The following CTSD variants were observed in gnomAD, a reference collection of about 807,000 sequenced individuals.
CTSD encodes the protein ceroid-lipofuscinosis, neuronal 10.
A neutral mutation model predicts 43.6 loss-of-function variants in CTSD; 28 were observed. That is an observed-to-expected ratio of 0.64 (90% CI 0.48 to 0.88). The LOEUF (loss-of-function observed/expected upper bound fraction) is 0.88. Ranked by LOEUF, CTSD falls within the 40% of genes least tolerant of loss-of-function variation. The pLI, the probability that CTSD is intolerant of heterozygous loss-of-function variation, is 0.00. For missense variants in CTSD, 485 were observed against 555.2 expected, an observed-to-expected ratio of 0.87 and a Z score of 1.27; for synonymous variants, 270 against 249.8, an observed-to-expected ratio of 1.08 and a Z score of -0.76.
At chr11:1,761,812 G>A (rs1845881359) in intron 1 of CTSD, 7 of 405,920 alleles carry the variant, frequency 1.7e-5, no homozygotes, top group South Asian at 1.5e-4. Flanking sequence ...TCCTCCCTCT[G>A]CACCTGCGCT....
chr11:1,757,495 A>G lies in CTSD; in HGVS notation c.533T>C (p.Val178Ala), dbSNP rs200471178. The change falls in exon 5 of 9, where the codon GTC (valine) becomes GCC (alanine). Residue 178 changes from valine to alanine, a missense_variant. Physicochemically the swap from Val to Ala is moderately conservative, Grantham distance 64. Coordinates refer to ENST00000236671, the MANE Select transcript of CTSD (RefSeq NM_001909.5). ...TGGCTGCTTGGTGGCCTCCCCAAAG[A>G]CCTGCCTCTCCACTTTGACACCGCC... The part of the protein sequence containing the change: ...ALGGVKVERQ[V>A]FGEATKQPGI... The G allele has an allele frequency of 6.2e-7, 1 of 1,610,184 alleles. No individual in the cohort carries two copies. The highest frequency in any genetic ancestry group is 1.7e-5 in the Admixed American group (1 of 59,638).
chr11:1,755,352 C>A, intron 5 of CTSD: 3 of 423,192 alleles, frequency 7.1e-6, no homozygotes, highest in Non-Finnish European at 1.3e-5. Flanking sequence ...GTGCCAGGAG[C>A]TCCACTGGGG....
Position 1,753,552 on chromosome 11 carries a change from AAC to A in CTSD, c.1188_1189del (p.Phe397Ter), listed in dbSNP as rs1456186199. ...GCCCACCCTGTTGTTGTCACGGTCA[AAC>A]ACAGTGTAGTAGCGGCCGATGAAGA... is the stretch of plus-strand genomic sequence containing the variant. On this transcript the variant is annotated frameshift_variant, in exon 9 of 9. Coordinates refer to ENST00000236671, the MANE Select transcript of CTSD (RefSeq NM_001909.5). LOFTEE classifies it high-confidence loss of function. 2.5e-6 allele frequency: 4 copies of A among 1,613,070 alleles called. No individual in the cohort carries two copies. The highest frequency in any genetic ancestry group is 1.3e-5 in the African/African-American group (1 of 75,028).
chr11:1,761,226 G>A (rs1845871999), intron 2 of CTSD, 83 bp downstream of exon 2: 1 of 1,504,158 alleles, frequency 6.6e-7, no homozygotes, highest in African/African-American at 1.4e-5. Flanking sequence ...GCTGAGAACA[G>A]GAGGTGGGAA....
chr11:1,755,485 G>A, intron 5 of CTSD: 1 of 297,998 alleles, frequency 3.4e-6, no homozygotes, highest in Non-Finnish European at 6.6e-6. Flanking sequence ...GGCTGCTCCT[G>A]GGAACACCCT....
intron 2 of CTSD, chr11:1,760,802 G>C: frequency 4.9e-6 from 1 of 204,050 alleles, no homozygotes; most frequent in Non-Finnish European, 1.0e-5. Flanking sequence ...GCCTCGAACT[G>C]ACCCCATAGA....
Position 1,753,806 on chromosome 11 carries a change from G to A in CTSD, c.1068C>T (p.Leu356=), listed in dbSNP as rs921928234. ...GYKLSPEDYT[L]KVSQAGKTLC... ...CGGCACCCCATTGCCCGCTCACCTT[G>A]AGCGTGTAGTCCTCTGGGGACAGCT... is the stretch of plus-strand genomic sequence containing the variant. The change falls in exon 8 of 9, where the codon CTC becomes CTT. Residue 356 remains leucine (L), a synonymous_variant. Coordinates refer to ENST00000236671, the MANE Select transcript of CTSD (RefSeq NM_001909.5). The A allele has an allele frequency of 6.2e-7, 1 of 1,613,532 alleles. No individual in the cohort carries two copies. Among genetic ancestry groups the A allele is most frequent in the South Asian group, 1.1e-5 (1 of 91,064 alleles).
At chr11:1,761,118 T>A in intron 2 of CTSD, 191 bp downstream of exon 2, 1 of 656,746 alleles carries the variant, frequency 1.5e-6, no homozygotes, top group African/African-American at 1.8e-5. Flanking sequence ...GACCCTGCAA[T>A]GACAGGGGCC....
rs1223047680 is a variant in CTSD, at chr11:1,753,869, C to T, written c.1005G>A (p.Leu335=). 2 of 1,613,598 alleles carry T rather than the reference C, an allele frequency of 1.2e-6. No individual in the cohort carries two copies. The highest frequency in any genetic ancestry group is 2.2e-5 in the East Asian group (1 of 44,858). Residue 335 remains leucine, a synonymous_variant, in exon 8 of 9, where the codon CTG becomes CTA. Transcript: ENST00000236671. ...CTCCCAGCTTCAGTGTGATCGCGGG[C>T]AGGGTGGACACCTTCTCACAGGGGA... The part of the protein sequence containing the change: ...YMIPCEKVST[L]PAITLKLGGK...
At chr11:1,756,130 G>A (rs1413070456) in intron 5 of CTSD, among the ~76,000 whole-genome samples, 2 of 151,358 alleles carry the variant, frequency 1.3e-5, no homozygotes, top group African/African-American at 2.4e-5. Flanking sequence ...CCCCCACATG[G>A]GCACTCATGC....
rs142871900 is a variant in CTSD, at chr11:1,759,725, C to CAAGCCCTG, written c.229-87_229-86insCAGGGCTT. 114,027 of 1,425,338 alleles carry CAAGCCCTG rather than the reference C, an allele frequency of 0.08. 5,148 individuals are homozygous for CAAGCCCTG. The highest frequency in any genetic ancestry group is 0.14 in the Middle Eastern group (557 of 4,078). The allele number at this position is 1,425,338 out of a possible 1,614,324, so 88.3% of individuals were successfully genotyped here. ...CAGAAGGCCCGGCTGTCCCCAGAGC[C>CAAGCCCTG]AAGGCCCATACTGGAGGGAGGGGCA... On this transcript the variant is annotated intron_variant, in intron 2 of 8. Transcript: ENST00000236671.
In CTSD at chr11:1,753,793, G is replaced by A. The variant is rs2133657508; in HGVS notation, c.1071+10C>T. On this transcript the variant is annotated intron_variant, in intron 8 of 8. Coordinates refer to ENST00000236671, the MANE Select transcript of CTSD (RefSeq NM_001909.5). ...CACCTGGGGCGTGCGGCACCCCATTGCCCGCTCACCTTGAGCGTGTAGTCC... is the reference window on the plus strand; with the variant it reads ...CACCTGGGGCGTGCGGCACCCCATTACCCGCTCACCTTGAGCGTGTAGTCC... 1 of 1,612,956 alleles carries A rather than the reference G, an allele frequency of 6.2e-7. No homozygotes were observed. Among genetic ancestry groups the A allele is most frequent in the East Asian group, 2.2e-5 (1 of 44,846 alleles).
chr11:1,759,032 G>A lies in CTSD; in HGVS notation c.408C>T (p.Thr136=), dbSNP rs1060504644. ...CCGAGCCATAGTGGATGTCAAACGAGGTACCATTCTTCACGTAGGTGCTGG... is the reference window on the plus strand; with the variant it reads ...CCGAGCCATAGTGGATGTCAAACGAAGTACCATTCTTCACGTAGGTGCTGG... ...DKSSTYVKNG[T]SFDIHYGSGS... is the part of the protein sequence containing the mutation. Residue 136 remains threonine, a synonymous_variant, in exon 4 of 9, where the codon ACC becomes ACT. Transcript: ENST00000236671. 1.9e-6 allele frequency: 3 copies of A among 1,614,142 alleles called. No homozygotes were observed. The highest frequency in any genetic ancestry group is 2.7e-5 in the African/African-American group (2 of 75,062).
Position 1,761,306 on chromosome 11 carries a change from C to T in CTSD, c.228+3G>A. On this transcript the variant is annotated splice_donor_region_variant and intron_variant, in intron 2 of 8. Coordinates refer to ENST00000236671, the MANE Select transcript of CTSD (RefSeq NM_001909.5). ...TGCAGCAGGGCTAAGACCTCATACT[C>T]ACGTCCATGTAGTTCTTGAGCACCT... 1.2e-6 allele frequency: 2 copies of T among 1,613,690 alleles called. No individual in the cohort carries two copies. The highest frequency in any genetic ancestry group is 1.7e-6 in the Non-Finnish European group (2 of 1,179,994).
At chr11:1,756,860 C>T (rs1845815778) in intron 5 of CTSD, among the ~76,000 whole-genome samples, 1 of 152,198 alleles carries the variant, frequency 6.6e-6, no homozygotes, top group Non-Finnish European at 1.5e-5. Context: ...CAGCGTGGTG[C>T]CGGGGACCCA....
At chr11:1,758,861 G>A in intron 4 of CTSD, 108 bp downstream of exon 4, 1 of 843,666 alleles carries the variant, frequency 1.2e-6, no homozygotes. Flanking sequence ...CTGAGGGCTG[G>A]GGTTGGGCTG....
intron 1 of CTSD, chr11:1,762,186 G>C (rs149506835): frequency 1.6e-4 from 25 of 154,796 alleles, no homozygotes; most frequent in African/African-American, 5.8e-4. Context: ...TGGGGCCTTA[G>C]AGGCTTCTGT....
chr11:1,759,773 C>T, intron 2 of CTSD, 134 bp from the exon 3 acceptor site: 5 of 939,048 alleles, frequency 5.3e-6, no homozygotes, highest in Non-Finnish European at 4.7e-6. Flanking sequence ...CAGCTGCCAA[C>T]AGCCACCCAC....
rs1020717412 is a variant in CTSD at position 1,759,454 on chromosome 11, G to A, written c.352+62C>T. ...CGTTGCCCAAGTGATTCCTGAGGCA[G>A]CCCTGCAGCGACATCCCGGAAGGGC... On this transcript the variant is annotated intron_variant, in intron 3 of 8. Coordinates refer to ENST00000236671, the MANE Select transcript of CTSD (RefSeq NM_001909.5). The A allele has an allele frequency of 5.4e-5, 87 of 1,606,926 alleles. 2 individuals carry two copies. In the Admixed American group the frequency reaches 1.4e-3, roughly 26 times the overall value.
Sources: gnomAD v4.1 joint callset for allele counts (sites outside exome capture counted in the v4.1 genomes callset) on GRCh38, gnomAD v4.1.1 for gene constraint, MANE v1.5 for transcripts, NCBI Gene and HGNC (gene_info 2026-07-23, HGNC 2026-07-21) for gene names.